Variants in CNBD1 observed in about 807,000 individuals in gnomAD.
CNBD1 encodes the protein cyclic nucleotide binding domain containing 1.
CNBD1 carries 71 observed loss-of-function variants against 54.4 expected under a neutral mutation model. The observed-to-expected ratio is 1.30, with a 90% CI of 1.08 to 1.59. The LOEUF (loss-of-function observed/expected upper bound fraction) is 1.59, where lower values mean the gene tolerates loss of function less well. Among genes scored for constraint, CNBD1 ranks in the 40% most tolerant of loss-of-function variants. CNBD1 has a pLI of 0.00. For missense variants in CNBD1, 659 were observed against 518.0 expected (o/e 1.27, Z -2.64); for synonymous variants, 182 against 170.7 (o/e 1.07, Z -0.51).
intron 4 of CNBD1, among the ~76,000 whole-genome samples, chr8:86,960,523 A>G (rs1807902217): frequency 6.6e-6 from 1 of 152,128 alleles, no homozygotes. Flanking sequence ...AGCTCAAGGA[A>G]GCCTGCCTAC....
chr8:87,353,512 A>G (rs1810348752), intron 9 of CNBD1, 124 bp from the exon 10 acceptor site: 1 of 612,412 alleles, frequency 1.6e-6, no homozygotes, highest in Non-Finnish European at 2.7e-6. Context: ...TTTAAATACA[A>G]TTGCTAATTT....
intron 10 of CNBD1, among the ~76,000 whole-genome samples, chr8:87,380,459 CAA>C: frequency 6.6e-6 from 1 of 151,914 alleles, no homozygotes; most frequent in Non-Finnish European, 1.5e-5. Context: ...GTGATGTCTC[CAA>C]CTTCATCCTT....
At chr8:87,076,001 T>C (rs1472181613) in intron 4 of CNBD1, among the ~76,000 whole-genome samples, 2 of 152,178 alleles carry the variant, frequency 1.3e-5, no homozygotes, top group Non-Finnish European at 2.9e-5. Context: ...ATTGGCATAC[T>C]AAAGAAAAAT....
intron 4 of CNBD1, among the ~76,000 whole-genome samples, chr8:87,089,434 C>CAG (rs1811163496): frequency 6.6e-6 from 1 of 151,986 alleles, no homozygotes; most frequent in Admixed American, 6.6e-5. Context: ...TCAGTTCTGG[C>CAG]ACCAGAAAAT....
chr8:87,335,932 T>C (rs952186722), intron 8 of CNBD1, among the ~76,000 whole-genome samples: 2 of 152,206 alleles, frequency 1.3e-5, no homozygotes, highest in African/African-American at 4.8e-5. Flanking sequence ...TTTGCTTGTC[T>C]GAAAAGGATT....
At chr8:86,997,847 G>T (rs888323777) in intron 4 of CNBD1, among the ~76,000 whole-genome samples, 1 of 152,102 alleles carries the variant, frequency 6.6e-6, no homozygotes, top group East Asian at 1.9e-4. Context: ...TTGGTGGAAA[G>T]GTTATGCTTT....
At chr8:86,914,741 G>C (rs1349854562) in intron 3 of CNBD1, among the ~76,000 whole-genome samples, 2 of 152,096 alleles carry the variant, frequency 1.3e-5, no homozygotes, top group African/African-American at 4.8e-5. Flanking sequence ...CTTCCCTTAA[G>C]CTATATACTT....
chr8:87,363,123 G>A (rs1810556293), intron 10 of CNBD1, among the ~76,000 whole-genome samples: 2 of 152,022 alleles, frequency 1.3e-5, no homozygotes, highest in Admixed American at 6.6e-5. Context: ...CTGTTGTTGT[G>A]TTAGTTTGCT....
At chr8:86,912,406 T>G (rs1252663532) in intron 3 of CNBD1, among the ~76,000 whole-genome samples, 2 of 152,120 alleles carry the variant, frequency 1.3e-5, no homozygotes, top group Non-Finnish European at 2.9e-5. Context: ...CATAACAACA[T>G]TTCAGCCAAC....
chr8:86,952,972 C>G (rs978615233), intron 4 of CNBD1, among the ~76,000 whole-genome samples: 6 of 152,286 alleles, frequency 3.9e-5, no homozygotes, highest in Admixed American at 3.3e-4. Flanking sequence ...TTAATTAATA[C>G]ATGGAATTAA....
At chr8:86,989,824 C>T (rs1808702269) in intron 4 of CNBD1, among the ~76,000 whole-genome samples, 1 of 152,170 alleles carries the variant, frequency 6.6e-6, no homozygotes, top group East Asian at 1.9e-4. Context: ...TACGAGGGTT[C>T]CCTTTTCTCC....
chr8:87,306,754 T>A (rs986831878), intron 8 of CNBD1, among the ~76,000 whole-genome samples: 3 of 150,910 alleles, frequency 2.0e-5, no homozygotes, highest in East Asian at 2.0e-4. Flanking sequence ...ACTTTGGGGA[T>A]GTGGGGGAAG....
chr8:87,281,798 G>A (rs1554575770), intron 6 of CNBD1, among the ~76,000 whole-genome samples: 1 of 150,748 alleles, frequency 6.6e-6, no homozygotes, highest in Non-Finnish European at 1.5e-5. Flanking sequence ...ATAAATGAAA[G>A]TTATCTCCCT....
chr8:86,944,065 C>T (rs1471355772), intron 4 of CNBD1, among the ~76,000 whole-genome samples: 1 of 152,026 alleles, frequency 6.6e-6, no homozygotes, highest in East Asian at 1.9e-4. Flanking sequence ...GGAGAAGTGC[C>T]CTTTGACAGG....
At chr8:87,113,747 G>A (rs1209910702) in intron 4 of CNBD1, among the ~76,000 whole-genome samples, 7 of 151,876 alleles carry the variant, frequency 4.6e-5, no homozygotes, top group South Asian at 2.1e-4. Flanking sequence ...GTGAGACCCC[G>A]TCTCTACTAA....
At chr8:86,943,257 T>C (rs928262443) in intron 4 of CNBD1, among the ~76,000 whole-genome samples, 4 of 148,598 alleles carry the variant, frequency 2.7e-5, no homozygotes, top group Non-Finnish European at 5.9e-5. Context: ...GGCATGTGCC[T>C]ATAGTCCCAG....
chr8:87,167,012 C>T (rs1290054020), intron 4 of CNBD1, among the ~76,000 whole-genome samples: 1 of 151,858 alleles, frequency 6.6e-6, no homozygotes, highest in Non-Finnish European at 1.5e-5. Flanking sequence ...AAATATTTTA[C>T]ATTTTTGATT....
intron 2 of CNBD1, among the ~76,000 whole-genome samples, chr8:87,398,239 A>G (rs939301271): frequency 3.6e-5 from 5 of 138,870 alleles, no homozygotes; most frequent in Admixed American, 1.4e-4. Flanking sequence ...TTCTGGAGAT[A>G]TCTAAGCATT....
At chr8:87,378,780 C>T (rs1272226192) in intron 10 of CNBD1, among the ~76,000 whole-genome samples, 6 of 151,018 alleles carry the variant, frequency 4.0e-5, no homozygotes, top group Non-Finnish European at 8.8e-5. Flanking sequence ...TTCTTCCTAC[C>T]CATGAGCATG....
Sources: allele counts gnomAD v4.1 joint callset (sites outside exome capture counted in the v4.1 genomes callset), GRCh38; gene constraint gnomAD v4.1.1; transcripts MANE v1.5; gene names NCBI Gene and HGNC (gene_info 2026-07-23, HGNC 2026-07-21).